The following ERC2 variants were observed in gnomAD, a reference collection of about 807,000 sequenced individuals.
ERC2 encodes ERC protein 2.
In ERC2, 42 loss-of-function variants were observed where a neutral mutation model predicts 114.8. That is an observed-to-expected ratio of 0.37 (90% CI 0.29 to 0.47). The LOEUF (loss-of-function observed/expected upper bound fraction) is 0.47, where lower values mean the gene tolerates loss of function less well. ERC2 is among the 20% of genes least tolerant of loss of function. ERC2 has a pLI of 0.99. For missense variants in ERC2, 939 were observed against 1,150.7 expected (o/e 0.82, Z 2.66); for synonymous variants, 454 against 425.5 (o/e 1.07, Z -0.82).
At chr3:55,563,719 G>A (rs1433136251) in intron 17 of ERC2, among the ~76,000 whole-genome samples, 4 of 152,200 alleles carry the variant, frequency 2.6e-5, no homozygotes, top group African/African-American at 9.7e-5. Flanking sequence ...AACATGCAGA[G>A]AGAAGCAGAG....
chr3:56,436,155 A>T (rs2062008623), intron 1 of ERC2, among the ~76,000 whole-genome samples: 1 of 152,100 alleles, frequency 6.6e-6, no homozygotes, highest in African/African-American at 2.4e-5. Flanking sequence ...CTTTTCCTTC[A>T]GCTTTACAAC....
chr3:55,598,759 G>A (rs973823852), intron 17 of ERC2, among the ~76,000 whole-genome samples: 2 of 152,190 alleles, frequency 1.3e-5, no homozygotes, highest in Admixed American at 6.5e-5. Flanking sequence ...CCTTTTTACC[G>A]AAGATTTCAG....
intron 3 of ERC2, among the ~76,000 whole-genome samples, chr3:56,260,663 CG>C (rs921913223): frequency 5.0e-4 from 76 of 152,324 alleles, no homozygotes; most frequent in African/African-American, 1.7e-3. Flanking sequence ...TGTTATTAAC[CG>C]CTATGCTCCA....
At chr3:55,615,741 T>G (rs2059096466) in intron 17 of ERC2, among the ~76,000 whole-genome samples, 1 of 152,214 alleles carries the variant, frequency 6.6e-6, no homozygotes, top group Admixed American at 6.5e-5. Context: ...TATGATATTT[T>G]CGGTGAAAAT....
At chr3:56,411,981 C>A (rs950749332) in intron 2 of ERC2, among the ~76,000 whole-genome samples, 1 of 152,160 alleles carries the variant, frequency 6.6e-6, no homozygotes, top group Admixed American at 6.5e-5. Context: ...ACTCCCTGAA[C>A]CTTTGAATGT....
intron 3 of ERC2, among the ~76,000 whole-genome samples, chr3:56,177,714 G>A (rs1218819758): frequency 6.6e-6 from 1 of 152,172 alleles, no homozygotes; most frequent in Non-Finnish European, 1.5e-5. Context: ...CAAAAGTCAG[G>A]AGCCTGCAGT....
At chr3:55,588,581 CCA>C (rs1300000336) in intron 17 of ERC2, among the ~76,000 whole-genome samples, 2 of 152,150 alleles carry the variant, frequency 1.3e-5, no homozygotes, top group Admixed American at 6.5e-5. Flanking sequence ...TCCATCAGCA[CCA>C]CAGTCAGAAG....
intron 14 of ERC2, among the ~76,000 whole-genome samples, chr3:55,833,002 G>T (rs1404165365): frequency 6.6e-6 from 1 of 151,588 alleles, no homozygotes; most frequent in Non-Finnish European, 1.5e-5. Flanking sequence ...GGAAGAAAGG[G>T]TATCAGTGAT....
At chr3:55,636,799 C>T (rs758176978) in intron 17 of ERC2, among the ~76,000 whole-genome samples, 2 of 152,214 alleles carry the variant, frequency 1.3e-5, no homozygotes, top group South Asian at 2.1e-4. Context: ...CGCAGCCCTA[C>T]GGTTTGCAGA....
chr3:55,567,453 TA>T, intron 17 of ERC2, among the ~76,000 whole-genome samples: 1 of 152,340 alleles, frequency 6.6e-6, no homozygotes, highest in Admixed American at 6.5e-5. Flanking sequence ...TGCATCCAAA[TA>T]AAATGAGATT....
chr3:56,144,972 C>T (rs953522716), intron 5 of ERC2, among the ~76,000 whole-genome samples: 2 of 152,146 alleles, frequency 1.3e-5, no homozygotes, highest in African/African-American at 4.8e-5. Flanking sequence ...AGGTCTGTCT[C>T]TGTGACAGCC....
chr3:55,860,192 GGACT>G (rs775505078), intron 14 of ERC2, among the ~76,000 whole-genome samples: 4 of 152,074 alleles, frequency 2.6e-5, no homozygotes, highest in Non-Finnish European at 5.9e-5. Context: ...ACTTAAAACT[GGACT>G]GACTATGGAT....
At chr3:55,748,696 G>A (rs1470026281) in intron 14 of ERC2, among the ~76,000 whole-genome samples, 2 of 152,146 alleles carry the variant, frequency 1.3e-5, no homozygotes, top group Non-Finnish European at 1.5e-5. Context: ...CAAATACTAG[G>A]ATAATCAATT....
chr3:55,883,431 A>G (rs1286581680), intron 14 of ERC2, among the ~76,000 whole-genome samples: 2 of 152,190 alleles, frequency 1.3e-5, no homozygotes, highest in East Asian at 3.8e-4. Context: ...ATGTAAGTAT[A>G]AAAGGATAGT....
chr3:56,126,850 G>GGAAAGGAAAGGAAAGGAAAA (rs1399534697), intron 6 of ERC2, among the ~76,000 whole-genome samples: 1 of 149,428 alleles, frequency 6.7e-6, no homozygotes, highest in Admixed American at 6.7e-5. Flanking sequence ...GGAAAGGAAA[G>GGAAAGGAAAGGAAAGGAAAA]GAAAAGAAAG....
At chr3:56,223,590 C>T (rs1402702129) in intron 3 of ERC2, among the ~76,000 whole-genome samples, 3 of 151,120 alleles carry the variant, frequency 2.0e-5, no homozygotes, top group Non-Finnish European at 4.4e-5. Context: ...CACACTATTT[C>T]TGCTGACACT....
In ERC2 at chr3:56,429,159, C is replaced by G. The variant is rs139929581; in HGVS notation, c.657+5192G>C. 3.5e-3 allele frequency among the ~76,000 whole-genome samples: 530 copies of G among 152,248 alleles called. 1 individual carries two copies. The highest frequency in any genetic ancestry group is 0.012 in the African/African-American group (501 of 41,528). ...CACTCCTATGTTTCCTCTCTTTGAT[C>G]TCCGTAACACAATAGAATAAAGATA... On this transcript the variant is annotated intron_variant, in intron 2 of 17. Coordinates refer to ENST00000288221, the MANE Select transcript of ERC2 (RefSeq NM_015576.3).
At chr3:56,088,812 AAC>A (rs1424080228) in intron 6 of ERC2, among the ~76,000 whole-genome samples, 1 of 152,212 alleles carries the variant, frequency 6.6e-6, no homozygotes, top group Non-Finnish European at 1.5e-5. Context: ...TAAATTAAAT[AAC>A]ACATGTAAAG....
chr3:55,949,802 A>G (rs2067372271), intron 13 of ERC2, among the ~76,000 whole-genome samples: 2 of 152,254 alleles, frequency 1.3e-5, no homozygotes, highest in Non-Finnish European at 2.9e-5. Context: ...GCCCTGTTTT[A>G]GCTTGAATGT....
Sources: allele counts gnomAD v4.1 joint callset (sites outside exome capture counted in the v4.1 genomes callset), GRCh38; gene constraint gnomAD v4.1.1; transcripts MANE v1.5; gene names NCBI Gene and HGNC (gene_info 2026-07-23, HGNC 2026-07-21).